Variants in PPP2R2D observed in about 807,000 individuals in gnomAD.
PPP2R2D encodes protein phosphatase 2 regulatory subunit Bdelta.
In PPP2R2D, 9 loss-of-function variants were observed where a neutral mutation model predicts 31.1. That is an observed-to-expected ratio of 0.29 (90% CI 0.17 to 0.51). PPP2R2D has a LOEUF of 0.51. Among genes scored for constraint, PPP2R2D ranks in the 20% least tolerant of loss-of-function variants. The pLI, the probability that PPP2R2D is intolerant of heterozygous loss-of-function variation, is 0.98. For synonymous variants in PPP2R2D, 179 were observed against 172.6 expected, an observed-to-expected ratio of 1.04 and a Z score of -0.29; for missense variants, 391 against 465.6, an observed-to-expected ratio of 0.84 and a Z score of 1.48.
downstream of PPP2R2D, chr10:131,959,925 C>A (rs1554901185): frequency 6.6e-6 from 1 of 152,264 alleles, no homozygotes; most frequent in Non-Finnish European, 1.5e-5. Flanking sequence ...CAGGGCAGAG[C>A]AGAAGGTGCA....
chr10:131,921,344 G>T (rs1400781484), intron 2 of PPP2R2D, among the ~76,000 whole-genome samples: 1 of 152,192 alleles, frequency 6.6e-6, no homozygotes, highest in Non-Finnish European at 1.5e-5. Context: ...GAGTAAAGGC[G>T]CTGCCCCACG....
downstream of PPP2R2D, among the ~76,000 whole-genome samples, chr10:131,962,060 C>G (rs566386621): frequency 4.9e-4 from 75 of 152,356 alleles, no homozygotes; most frequent in African/African-American, 1.7e-3. Context: ...GACTCTGCTT[C>G]TGAGGCTGGC....
At chr10:131,914,610 A>C (rs1228841034) in intron 2 of PPP2R2D, among the ~76,000 whole-genome samples, 1 of 152,220 alleles carries the variant, frequency 6.6e-6, no homozygotes, top group Non-Finnish European at 1.5e-5. Context: ...TGAGGCGGTT[A>C]CATGTGTTAG....
At position 131,958,319 on chromosome 10, in the gene PPP2R2D, C is replaced by T. The variant is rs1272433055; in HGVS notation, c.*2356C>T. 4 of 202,498 alleles carry T rather than the reference C, an allele frequency of 2.0e-5. No homozygotes were observed. Among genetic ancestry groups the T allele is most frequent in the African/African-American group, 7.5e-5 (3 of 40,170 alleles). 12.5% of individuals were successfully genotyped at this position (202,498 alleles called of 1,614,324 possible). ...ATGAAGGTGTGTGCTGATCCCCCAT[C>T]CCCCTGTGGAGATGAAGGGGTGTGC... is the stretch of plus-strand genomic sequence containing the variant. On this transcript the variant is annotated 3_prime_UTR_variant, in exon 9 of 9. Coordinates refer to ENST00000455566, the MANE Select transcript of PPP2R2D (RefSeq NM_018461.5).
chr10:131,969,360 C>T, the PPP2R2D span: 1 of 152,138 alleles, frequency 6.6e-6, no homozygotes, highest in African/African-American at 2.4e-5. Flanking sequence ...AAATGAGGAT[C>T]CCGAGGCCTT....
At chr10:131,939,720 A>T (rs2036407895) in intron 3 of PPP2R2D, 1 of 187,662 alleles carries the variant, frequency 5.3e-6, no homozygotes, top group Non-Finnish European at 1.1e-5. Flanking sequence ...AAAATACGGC[A>T]GGCTGCATTC....
Position 131,903,167 on chromosome 10 carries a change from T to A in PPP2R2D, c.100+1837T>A, listed in dbSNP as rs2035528716. 2.0e-5 allele frequency among the ~76,000 whole-genome samples: 3 copies of A among 152,304 alleles called. No individual in the cohort carries two copies. The South Asian group carries it at 6.2e-4, about 32-fold the overall frequency. ...GTACACATATGAAAATAGTATTCTT[T>A]CTTTAAAAAAAATCTTGGGCCGGGT... On this transcript the variant is annotated intron_variant, in intron 2 of 8. Coordinates refer to ENST00000455566, the MANE Select transcript of PPP2R2D (RefSeq NM_018461.5).
chr10:131,902,341 C>A (rs2035513638), intron 2 of PPP2R2D, among the ~76,000 whole-genome samples: 1 of 152,112 alleles, frequency 6.6e-6, no homozygotes, highest in South Asian at 2.1e-4. Context: ...ACGTCCTGTT[C>A]ACTTCCCTCC....
the PPP2R2D span, chr10:131,967,459 G>C: frequency 1.3e-5 from 2 of 152,192 alleles, no homozygotes; most frequent in African/African-American, 2.4e-5. Flanking sequence ...CCAAATGTAA[G>C]ACTGAGAGAT....
chr10:131,904,470 A>G (rs1057104746), intron 2 of PPP2R2D, among the ~76,000 whole-genome samples: 2 of 152,128 alleles, frequency 1.3e-5, no homozygotes, highest in Non-Finnish European at 2.9e-5. Context: ...AGATCGTGCC[A>G]CTGCACTCCA....
chr10:131,964,664 ATG>A (rs1432857833), downstream of PPP2R2D, among the ~76,000 whole-genome samples: 38 of 126,746 alleles, frequency 3.0e-4, 1 homozygote, highest in African/African-American at 1.1e-3. Flanking sequence ...AGAGTTTACT[ATG>A]TTTTTTTTTT....
chr10:131,952,150 G>C lies in PPP2R2D; in HGVS notation c.1083-3534G>C, dbSNP rs140350032. 9.0e-3 allele frequency among the ~76,000 whole-genome samples: 1,002 copies of C among 111,654 alleles called. 47 individuals carry two copies. Among genetic ancestry groups the C allele is most frequent in the African/African-American group, 0.034 (915 of 27,142 alleles). 73.2% of individuals were successfully genotyped at this position (111,654 alleles called of 152,430 possible). ...TTGCGGGTGTGCGGGGGGGTTCACT[G>C]TCTTAGCAGTGACTTGCGGGTGTGC... On this transcript the variant is annotated intron_variant, in intron 8 of 8. Transcript: ENST00000455566.
At chr10:131,943,746 G>A (rs374139612) in intron 5 of PPP2R2D, among the ~76,000 whole-genome samples, 2 of 152,284 alleles carry the variant, frequency 1.3e-5, no homozygotes, top group East Asian at 1.9e-4. Context: ...GGAACATGTC[G>A]ACCTCGGTAA....
chr10:131,955,891 G>T lies in PPP2R2D; in HGVS notation c.1290G>T (p.Trp430Cys). The change falls in exon 9 of 9, where the codon TGG becomes TGT. Residue 430 changes from tryptophan to cysteine, a missense_variant. Transcript: ENST00000455566. ...DFNKKILHTA[W>C]HPVDNVIAVA... ...ACAAGAAGATCCTGCACACAGCCTG[G>T]CACCCCGTGGACAATGTCATTGCCG... is the stretch of plus-strand genomic sequence containing the variant. 6.2e-7 allele frequency: 1 copy of T among 1,602,650 alleles called. No individual in the cohort carries two copies. Among genetic ancestry groups the T allele is most frequent in the Non-Finnish European group, 8.5e-7 (1 of 1,173,996 alleles).
At chr10:131,918,378 ACCTC>A in intron 2 of PPP2R2D, among the ~76,000 whole-genome samples, 2 of 139,662 alleles carry the variant, frequency 1.4e-5, no homozygotes, top group African/African-American at 2.8e-5. Context: ...GTTTGTAGGG[ACCTC>A]AGGCGGGTGG....
intron 5 of PPP2R2D, among the ~76,000 whole-genome samples, chr10:131,941,340 T>C (rs1554897204): frequency 6.6e-6 from 1 of 152,266 alleles, no homozygotes; most frequent in Non-Finnish European, 1.5e-5. Flanking sequence ...ATAATTGGCC[T>C]GGTGCTACGC....
At chr10:131,916,212 C>A (rs897478380) in intron 2 of PPP2R2D, among the ~76,000 whole-genome samples, 1 of 152,168 alleles carries the variant, frequency 6.6e-6, no homozygotes, top group Non-Finnish European at 1.5e-5. Flanking sequence ...GCACACACAG[C>A]ACCCAGAGGC....
At chr10:131,919,000 C>CAT (rs2035897851) in intron 2 of PPP2R2D, among the ~76,000 whole-genome samples, 1 of 127,192 alleles carries the variant, frequency 7.9e-6, no homozygotes, top group Non-Finnish European at 1.7e-5. Context: ...GGACCTCAGG[C>CAT]GGGTGGAATG....
At chr10:131,931,922 T>TG (rs1289761241) in intron 2 of PPP2R2D, among the ~76,000 whole-genome samples, 1 of 151,864 alleles carries the variant, frequency 6.6e-6, no homozygotes, top group East Asian at 1.9e-4. Flanking sequence ...GCAGGGTGAA[T>TG]GGGGGGCGAC....
Sources: gnomAD v4.1 joint callset for allele counts (sites outside exome capture counted in the v4.1 genomes callset) on GRCh38, gnomAD v4.1.1 for gene constraint, MANE v1.5 for transcripts, NCBI Gene and HGNC (gene_info 2026-07-23, HGNC 2026-07-21) for gene names.